CARMIL1: variants seen among roughly 807,000 people sequenced by gnomAD.
The protein encoded by CARMIL1 is F-actin-uncapping protein LRRC16A.
A neutral mutation model predicts 177.1 loss-of-function variants in CARMIL1; 90 were observed. That is an observed-to-expected ratio of 0.51 (90% CI 0.43 to 0.61). The LOEUF is 0.61. Ranked by LOEUF, CARMIL1 falls within the 20% of genes least tolerant of loss-of-function variation. The pLI is 0.00. For missense variants in CARMIL1, 1,380 were observed against 1,667.0 expected, an observed-to-expected ratio of 0.83 and a Z score of 3.00; for synonymous variants, 577 against 606.2, an observed-to-expected ratio of 0.95 and a Z score of 0.71.
At chr6:25,584,893 C>T (rs934468177) in intron 31 of CARMIL1, among the ~76,000 whole-genome samples, 1 of 152,202 alleles carries the variant, frequency 6.6e-6, no homozygotes, top group Non-Finnish European at 1.5e-5. Flanking sequence ...CATGTCCCAA[C>T]CTCATCAATC....
At chr6:25,502,823 C>T (rs1804533972) in intron 17 of CARMIL1, among the ~76,000 whole-genome samples, 1 of 152,150 alleles carries the variant, frequency 6.6e-6, no homozygotes, top group Non-Finnish European at 1.5e-5. Flanking sequence ...TGTCCTCATT[C>T]TCTTTTGCTA....
In CARMIL1 at chr6:25,515,875, T is replaced by A; in HGVS notation, c.1805+28T>A. On this transcript the variant is annotated intron_variant, in intron 21 of 36. Transcript: ENST00000329474. This position sits in a 1 kb window ranked among gnomAD's most constrained non-coding sequence, Gnocchi z 5.0. ...AGGCAGATCCCACCCTCCCTGCTCA[T>A]GAGGAAGGCTTGGAGCAGATTCCGA... is the stretch of plus-strand genomic sequence containing the variant. 6.4e-7 allele frequency: 1 copy of A among 1,570,638 alleles called. No individual in the cohort carries two copies. Among genetic ancestry groups the A allele is most frequent in the Middle Eastern group, 1.7e-4 (1 of 5,860 alleles).
At chr6:25,618,397 T>A (rs1415302746) in intron 36 of CARMIL1, among the ~76,000 whole-genome samples, 1 of 152,214 alleles carries the variant, frequency 6.6e-6, no homozygotes, top group Non-Finnish European at 1.5e-5. Context: ...GCTGTACTCT[T>A]CCTTCAGGCT....
chr6:25,571,524 A>C (rs1426168380), intron 29 of CARMIL1, among the ~76,000 whole-genome samples: 2 of 152,230 alleles, frequency 1.3e-5, no homozygotes, highest in African/African-American at 4.8e-5. Flanking sequence ...TTAAAAATCT[A>C]CGTGGACTAA....
At chr6:25,412,845 A>T (rs532530069) in intron 2 of CARMIL1, among the ~76,000 whole-genome samples, 1 of 152,354 alleles carries the variant, frequency 6.6e-6, no homozygotes, top group East Asian at 1.9e-4. Flanking sequence ...ACTGGGGCAC[A>T]TCCATTAATA....
intron 17 of CARMIL1, among the ~76,000 whole-genome samples, chr6:25,504,854 G>A (rs781015213): frequency 6.6e-6 from 1 of 152,158 alleles, no homozygotes; most frequent in Non-Finnish European, 1.5e-5. Context: ...CAGTTACTTA[G>A]CTTATTAGGT....
chr6:25,323,391 C>G (rs919593196), intron 2 of CARMIL1, among the ~76,000 whole-genome samples: 3 of 144,552 alleles, frequency 2.1e-5, no homozygotes, highest in Non-Finnish European at 3.0e-5. Flanking sequence ...CGAGACCAGC[C>G]TAGGCAACAG....
intron 2 of CARMIL1, among the ~76,000 whole-genome samples, chr6:25,322,894 G>T (rs966039044): frequency 1.3e-5 from 2 of 152,162 alleles, no homozygotes; most frequent in Admixed American, 6.6e-5. Context: ...ACAGTCTGAG[G>T]CATGATCTCT....
intron 2 of CARMIL1, among the ~76,000 whole-genome samples, chr6:25,345,690 C>A (rs1787436246): frequency 2.6e-5 from 4 of 152,210 alleles, no homozygotes; most frequent in Admixed American, 2.0e-4. Flanking sequence ...GATTTCCGCT[C>A]ACTGCAACCT....
chr6:25,561,271 A>G (rs1811087144), intron 29 of CARMIL1, among the ~76,000 whole-genome samples: 1 of 152,202 alleles, frequency 6.6e-6, no homozygotes, highest in African/African-American at 2.4e-5. Context: ...CATATATAGT[A>G]TACCATCTTT....
At chr6:25,456,282 T>C (rs567826597) in intron 8 of CARMIL1, among the ~76,000 whole-genome samples, 18 of 152,216 alleles carry the variant, frequency 1.2e-4, no homozygotes, top group Non-Finnish European at 1.6e-4. Flanking sequence ...GCAATTTGAA[T>C]GTTGTGATAA....
At chr6:25,309,838 C>T (rs531440482) in intron 2 of CARMIL1, among the ~76,000 whole-genome samples, 5 of 147,156 alleles carry the variant, frequency 3.4e-5, no homozygotes, top group African/African-American at 1.0e-4. Context: ...GGCACGATCT[C>T]GGCTCACTGC....
intron 9 of CARMIL1, among the ~76,000 whole-genome samples, chr6:25,469,872 A>G (rs1800950017): frequency 6.6e-6 from 1 of 152,162 alleles, no homozygotes; most frequent in Non-Finnish European, 1.5e-5. Context: ...TTTAATGTAT[A>G]AGTAATATTA....
At chr6:25,445,003 G>T (rs930074081) in intron 5 of CARMIL1, among the ~76,000 whole-genome samples, 1 of 152,178 alleles carries the variant, frequency 6.6e-6, no homozygotes, top group East Asian at 1.9e-4. Flanking sequence ...GTGTAAAAGT[G>T]TTCCTATTTC....
At chr6:25,424,192 T>A (rs550601829) in intron 3 of CARMIL1, among the ~76,000 whole-genome samples, 24 of 152,160 alleles carry the variant, frequency 1.6e-4, no homozygotes, top group Non-Finnish European at 3.5e-4. Context: ...TTCTTCCTTG[T>A]CCTAGTTCTT....
chr6:25,339,835 G>T (rs1446283397), intron 2 of CARMIL1, among the ~76,000 whole-genome samples: 1 of 152,104 alleles, frequency 6.6e-6, no homozygotes, highest in African/African-American at 2.4e-5. Flanking sequence ...TGTGCCATTG[G>T]GGCCTTTATA....
At position 25,408,755 on chromosome 6, in the gene CARMIL1, G is replaced by A. The variant is rs901004966; in HGVS notation, c.139-11359G>A. 6.6e-5 allele frequency among the ~76,000 whole-genome samples: 10 copies of A among 151,388 alleles called. No individual in the cohort carries two copies. In the South Asian group the frequency reaches 8.3e-4, roughly 13 times the overall value. ...CTGTATAGAAAGTGTGAGGTGGGAG[G>A]ATCATTTGATCCCAGGAGTTAAGAC... On this transcript the variant is annotated intron_variant, in intron 2 of 36. Transcript: ENST00000329474.
At chr6:25,463,662 T>C (rs1800315520) in intron 8 of CARMIL1, among the ~76,000 whole-genome samples, 1 of 152,212 alleles carries the variant, frequency 6.6e-6, no homozygotes, top group Non-Finnish European at 1.5e-5. Context: ...CTTTGGGGAC[T>C]CTGTAATAAG....
intron 11 of CARMIL1, among the ~76,000 whole-genome samples, chr6:25,480,651 T>TTAA (rs5875044): frequency 2.0e-5 from 3 of 146,664 alleles, no homozygotes; most frequent in African/African-American, 7.4e-5. Flanking sequence ...TAAATTTAAA[T>TTAA]TATTTATATT....
Sources: gnomAD v4.1 joint callset for allele counts (sites outside exome capture counted in the v4.1 genomes callset) on GRCh38, gnomAD v4.1.1 for gene constraint, Gnocchi (gnomAD v3.1) non-coding constraint, MANE v1.5 for transcripts, NCBI Gene and HGNC (gene_info 2026-07-23, HGNC 2026-07-21) for gene names.